Variants in CATSPER3 observed in about 807,000 individuals in gnomAD.
CATSPER3 encodes the protein cation channel sperm associated 3.
In CATSPER3, 23 loss-of-function variants were observed where a neutral mutation model predicts 36.6. That is an observed-to-expected ratio of 0.63 (90% CI 0.45 to 0.89). The LOEUF (loss-of-function observed/expected upper bound fraction) is 0.89, where lower values mean the gene tolerates loss of function less well. CATSPER3 is among the 40% of genes least tolerant of loss of function. The pLI is 0.00. For synonymous variants in CATSPER3, 172 were observed against 184.1 expected, an observed-to-expected ratio of 0.93 and a Z score of 0.53; for missense variants, 474 against 503.9, an observed-to-expected ratio of 0.94 and a Z score of 0.57.
At chr5:134,996,534 TG>T in intron 3 of CATSPER3, 22 bp downstream of exon 3, 1 of 1,612,902 alleles carries the variant, frequency 6.2e-7, no homozygotes, top group South Asian at 1.1e-5. Context: ...GGGGGTGTCA[TG>T]GTGCTGGGAG....
chr5:134,970,340 T>C (rs934987650), intron 2 of CATSPER3, among the ~76,000 whole-genome samples: 3 of 152,094 alleles, frequency 2.0e-5, no homozygotes, highest in Non-Finnish European at 4.4e-5. Flanking sequence ...TTTGTATTTT[T>C]AGTAGAGACG....
intron 2 of CATSPER3, among the ~76,000 whole-genome samples, chr5:134,976,082 G>GGT (rs1163037716): frequency 2.0e-5 from 3 of 151,892 alleles, no homozygotes; most frequent in African/African-American, 7.2e-5. Flanking sequence ...GACTCATAGA[G>GGT]GTAGTATATT....
At chr5:135,004,708 C>G (rs1471934726) in intron 3 of CATSPER3, among the ~76,000 whole-genome samples, 1 of 152,112 alleles carries the variant, frequency 6.6e-6, no homozygotes, top group Non-Finnish European at 1.5e-5. Flanking sequence ...CCCAGGCTGA[C>G]AGCAGGGTTG....
At position 135,011,538 on chromosome 5, in the gene CATSPER3, A is replaced by T. The variant is rs1360682611; in HGVS notation, c.1112A>T (p.Tyr371Phe). 2 of 1,613,692 alleles carry T rather than the reference A, an allele frequency of 1.2e-6. No homozygotes were observed. The highest frequency in any genetic ancestry group is 1.7e-6 in the Non-Finnish European group (2 of 1,179,656). Residue 371 changes from tyrosine (Y) to phenylalanine (F), a missense_variant, in exon 8 of 8, where the codon TAT becomes TTT. Physicochemically the swap from Tyr to Phe is conservative, Grantham distance 22 (BLOSUM62 3). Coordinates refer to ENST00000282611, the MANE Select transcript of CATSPER3 (RefSeq NM_178019.3). ...TTTTTCAGGCTTCAAGAGCTGTACT[A>T]TGAGATCGTGCATGTGCTGAGCCTA... Reference protein sequence around the residue: ...TTVHKLQELYYEIVHVLSLML... With the variant: ...TTVHKLQELYFEIVHVLSLML...
intron 2 of CATSPER3, among the ~76,000 whole-genome samples, chr5:134,983,393 G>A (rs1417452199): frequency 6.6e-6 from 1 of 152,072 alleles, no homozygotes; most frequent in East Asian, 1.9e-4. Context: ...AAATTAGCCA[G>A]GTGTGGTGGT....
chr5:134,992,831 T>C (rs1198702374), intron 2 of CATSPER3, among the ~76,000 whole-genome samples: 1 of 152,226 alleles, frequency 6.6e-6, no homozygotes, highest in Non-Finnish European at 1.5e-5. Flanking sequence ...ACAACTACTG[T>C]GGAAAACAGT....
chr5:134,994,766 C>A (rs916175137), intron 2 of CATSPER3, among the ~76,000 whole-genome samples: 2 of 151,644 alleles, frequency 1.3e-5, no homozygotes, highest in African/African-American at 4.8e-5. Context: ...TCTGTTCTAG[C>A]CATGCTGACT....
At chr5:134,988,578 T>G (rs1373197898) in intron 2 of CATSPER3, among the ~76,000 whole-genome samples, 2 of 152,236 alleles carry the variant, frequency 1.3e-5, no homozygotes, top group Non-Finnish European at 2.9e-5. Flanking sequence ...AGGAACCAGT[T>G]TCTTTGCTCA....
chr5:135,007,779 G>A (rs177251), intron 3 of CATSPER3, among the ~76,000 whole-genome samples, 178 bp from the exon 4 acceptor site: 138,892 of 151,678 alleles, frequency 0.92, 63,757 homozygotes, highest in East Asian at 1. Context: ...TCATTAATTC[G>A]TTAGTTTATT....
At chr5:135,010,139 G>C (rs1417396752) in intron 6 of CATSPER3, among the ~76,000 whole-genome samples, 1 of 152,162 alleles carries the variant, frequency 6.6e-6, no homozygotes, top group East Asian at 1.9e-4. Context: ...GGTTGGGAGA[G>C]CCTGCGCTGA....
intron 4 of CATSPER3, 109 bp downstream of exon 4, chr5:135,008,248 A>C: frequency 1.1e-6 from 1 of 913,392 alleles, no homozygotes; most frequent in Non-Finnish European, 1.8e-6. Flanking sequence ...CCTCATGTCC[A>C]GGTACTCATC....
At chr5:134,971,573 T>C (rs546480376) in intron 2 of CATSPER3, among the ~76,000 whole-genome samples, 69 of 152,290 alleles carry the variant, frequency 4.5e-4, no homozygotes, top group Middle Eastern at 3.4e-3. Flanking sequence ...AAGCCATTAT[T>C]TATTTATTAG....
intron 2 of CATSPER3, among the ~76,000 whole-genome samples, chr5:134,983,415 G>A (rs1485537517): frequency 1.3e-5 from 2 of 152,000 alleles, no homozygotes; most frequent in Admixed American, 6.6e-5. Context: ...CACGCCTGTA[G>A]TCCCAGCTAC....
intron 2 of CATSPER3, among the ~76,000 whole-genome samples, chr5:134,976,334 C>T (rs963169519): frequency 1.2e-4 from 18 of 152,074 alleles, no homozygotes; most frequent in African/African-American, 4.1e-4. Flanking sequence ...ACAACAAAAA[C>T]AAAACCCCAC....
At chr5:134,971,596 G>A (rs568061496) in intron 2 of CATSPER3, among the ~76,000 whole-genome samples, 137 of 152,286 alleles carry the variant, frequency 9.0e-4, no homozygotes, top group African/African-American at 3.2e-3. Flanking sequence ...AGTGTGATGG[G>A]CTGATGTGAG....
intron 2 of CATSPER3, among the ~76,000 whole-genome samples, chr5:134,987,979 C>T (rs556593254): frequency 6.6e-6 from 1 of 152,184 alleles, no homozygotes; most frequent in South Asian, 2.1e-4. Context: ...TAAAAGGCAT[C>T]TAAATTGAAA....
chr5:134,980,130 T>C (rs916724670), intron 2 of CATSPER3, among the ~76,000 whole-genome samples: 2 of 151,686 alleles, frequency 1.3e-5, no homozygotes, highest in East Asian at 3.9e-4. Flanking sequence ...TACAGACATA[T>C]ATCACCATGC....
At chr5:134,985,007 C>T (rs1339128545) in intron 2 of CATSPER3, among the ~76,000 whole-genome samples, 1 of 152,070 alleles carries the variant, frequency 6.6e-6, no homozygotes, top group Admixed American at 6.6e-5. Context: ...TTAGTGGAGA[C>T]GGGGTTTTGC....
intron 2 of CATSPER3, among the ~76,000 whole-genome samples, chr5:134,978,132 A>G (rs1259028563): frequency 6.6e-6 from 1 of 152,166 alleles, no homozygotes; most frequent in Non-Finnish European, 1.5e-5. Context: ...TTATGTCAAT[A>G]GTGGTTGCTA....
Sources: allele counts gnomAD v4.1 joint callset (sites outside exome capture counted in the v4.1 genomes callset), GRCh38; gene constraint gnomAD v4.1.1; transcripts MANE v1.5; gene names NCBI Gene and HGNC (gene_info 2026-07-23, HGNC 2026-07-21).